The following KCNJ1 variants were observed in gnomAD, a reference collection of about 807,000 sequenced individuals.
The protein encoded by KCNJ1 is ATP-sensitive inward rectifier potassium channel 1.
Under a neutral mutation model 21.9 loss-of-function variants are expected in KCNJ1, and 24 were observed. The observed-to-expected ratio is 1.10, with a 90% CI of 0.79 to 1.54. The LOEUF (loss-of-function observed/expected upper bound fraction) is 1.54, where lower values mean the gene tolerates loss of function less well. Among genes scored for constraint, KCNJ1 ranks in the 40% most tolerant of loss-of-function variants. The pLI is 0.00. For synonymous variants in KCNJ1, 152 were observed against 160.9 expected, an observed-to-expected ratio of 0.94 and a Z score of 0.42; for missense variants, 457 against 455.4, an observed-to-expected ratio of 1.00 and a Z score of -0.03.
rs372824628 is a variant in KCNJ1 at position 128,839,272 on chromosome 11, G to A, written c.972C>T (p.Asn324=). 4 of 1,614,166 alleles carry A rather than the reference G, an allele frequency of 2.5e-6. No homozygotes were observed. The highest frequency in any genetic ancestry group is 4.5e-5 in the East Asian group (2 of 44,882). ...KEGKYRVDFH[N]FSKTVEVETP... The stretch of plus-strand genomic sequence containing the variant: ...TCTCCACTTCCACTGTCTTGCTAAA[G>A]TTATGGAAATCCACTCGGTATTTCC... Residue 324 remains asparagine, a synonymous_variant, in exon 3 of 3, where the codon AAC becomes AAT. Transcript: ENST00000392666.
intron 1 of KCNJ1, among the ~76,000 whole-genome samples, chr11:128,866,259 A>G (rs1404386451): frequency 2.6e-5 from 4 of 152,192 alleles, no homozygotes; most frequent in Non-Finnish European, 5.9e-5. Flanking sequence ...GGAATGGCCC[A>G]GGGAAGGCAG....
intron 2 of KCNJ1, among the ~76,000 whole-genome samples, chr11:128,849,032 C>T (rs749882051): frequency 5.3e-5 from 8 of 152,186 alleles, no homozygotes; most frequent in Non-Finnish European, 1.0e-4. Context: ...ACGATGCCAG[C>T]GGTGCCCCTC....
rs1943251412 is a variant in KCNJ1, at chr11:128,839,934, C to T, written c.310G>A (p.Glu104Lys). Residue 104 changes from glutamate (E) to lysine (K), a missense_variant, in exon 3 of 3, where the codon GAG (glutamate) becomes AAG (lysine). Glu to Lys is a moderately conservative substitution (Grantham distance 56). Coordinates refer to ENST00000392666, the MANE Select transcript of KCNJ1 (RefSeq NM_153766.3). ...HPSANHTPCV[E>K]NINGLTSAFL... ...GCTGAGGTCAAGCCATTAATATTCT[C>T]CACACAGGGAGTGTGATTGGCAGAA... 2 of 1,614,070 alleles carry T rather than the reference C, an allele frequency of 1.2e-6. No individual in the cohort carries two copies. The highest frequency in any genetic ancestry group is 1.7e-6 in the Non-Finnish European group (2 of 1,179,934).
chr11:128,850,096 C>T (rs948186031), intron 2 of KCNJ1, among the ~76,000 whole-genome samples: 1 of 152,086 alleles, frequency 6.6e-6, no homozygotes, highest in East Asian at 1.9e-4. Flanking sequence ...ACCATAGAGG[C>T]TGGAGCAGGT....
chr11:128,839,057 T>G lies in KCNJ1; in HGVS notation c.*68A>C. The G allele has an allele frequency of 7.0e-7, 1 of 1,429,980 alleles. No individual in the cohort carries two copies. Among genetic ancestry groups the G allele is most frequent in the East Asian group, 2.3e-5 (1 of 44,020 alleles). 88.6% of individuals were successfully genotyped at this position (1,429,980 alleles called of 1,614,324 possible). ...ACTTTCGTACCCCTAAATTGTTGACTGCTTCATAATGCTTCTAGGTACTAG... is the reference window on the plus strand; with the variant it reads ...ACTTTCGTACCCCTAAATTGTTGACGGCTTCATAATGCTTCTAGGTACTAG... On this transcript the variant is annotated 3_prime_UTR_variant, in exon 3 of 3. Coordinates refer to ENST00000392666, the MANE Select transcript of KCNJ1 (RefSeq NM_153766.3).
intron 2 of KCNJ1, 91 bp downstream of exon 2, chr11:128,850,630 G>T: frequency 2.0e-6 from 1 of 512,280 alleles, no homozygotes; most frequent in Non-Finnish European, 2.5e-6. Flanking sequence ...CACAGCCTTT[G>T]CTTAAGAGGC....
chr11:128,855,029 G>C (rs1255100350), intron 1 of KCNJ1, among the ~76,000 whole-genome samples: 1 of 152,212 alleles, frequency 6.6e-6, no homozygotes, highest in Non-Finnish European at 1.5e-5. Flanking sequence ...ACTGGTGCAT[G>C]ACCCAGCAGC....
chr11:128,840,652 T>A (rs1363634044), intron 2 of KCNJ1, among the ~76,000 whole-genome samples: 1 of 152,250 alleles, frequency 6.6e-6, no homozygotes, highest in Non-Finnish European at 1.5e-5. Flanking sequence ...TTTAGCCTTA[T>A]GTTAAGCAAT....
Position 128,838,539 on chromosome 11 carries a change from A to T in KCNJ1, c.*586T>A, listed in dbSNP as rs1943208704. 1 of 154,582 alleles carries T rather than the reference A, an allele frequency of 6.5e-6. No individual in the cohort carries two copies. Among genetic ancestry groups the T allele is most frequent in the Admixed American group, 6.4e-5 (1 of 15,588 alleles). The allele number at this position is 154,582 out of a possible 1,614,324, so 9.6% of individuals were successfully genotyped here. ...TGTCTTGCAGGAAGGTATCATCAAG[A>T]TTCTAGTGTGCAGATTTAGCCTCTG... On this transcript the variant is annotated 3_prime_UTR_variant, in exon 3 of 3. Transcript: ENST00000392666.
chr11:128,838,042 A>G lies in KCNJ1; in HGVS notation c.*1083T>C, dbSNP rs1943198276. 2 of 152,504 alleles carry G rather than the reference A, an allele frequency of 1.3e-5. No homozygotes were observed. The highest frequency in any genetic ancestry group is 4.8e-5 in the African/African-American group (2 of 41,464). The allele number at this position is 152,504 out of a possible 1,614,324, so 9.4% of individuals were successfully genotyped here. A position where few individuals can be genotyped will look rare whatever the true frequency, so the allele number is the denominator to read the frequency against. ...ATGCACAGTTTCAGAAATTTACTATATTAATCAACACACTGAAAACATTTT... is the reference window on the plus strand; with the variant it reads ...ATGCACAGTTTCAGAAATTTACTATGTTAATCAACACACTGAAAACATTTT... On this transcript the variant is annotated 3_prime_UTR_variant, in exon 3 of 3. Transcript: ENST00000392666.
At chr11:128,866,775 C>T (rs1012544302) in intron 1 of KCNJ1, 3 of 152,406 alleles carry the variant, frequency 2.0e-5, no homozygotes, top group Admixed American at 6.5e-5. Flanking sequence ...TGATCCTCTA[C>T]CTTAAAGATG....
rs1280825222 is a variant in KCNJ1 at position 128,838,331 on chromosome 11, T to A, written c.*794A>T. The A allele has an allele frequency of 1.4e-4, 21 of 152,546 alleles. No homozygotes were observed. The highest frequency in any genetic ancestry group is 1.4e-3 in the Admixed American group (21 of 15,288). 9.4% of individuals were successfully genotyped at this position (152,546 alleles called of 1,614,324 possible). ...TACAAACTCTAGGTGGAGGAACACA[T>A]GAAACTGTTTCTTCTCAGGTGCATT... On this transcript the variant is annotated 3_prime_UTR_variant, in exon 3 of 3. Transcript: ENST00000392666.
At chr11:128,850,933 G>A (rs895895515) in intron 1 of KCNJ1, 43 bp from the exon 2 acceptor site, 4 of 955,222 alleles carry the variant, frequency 4.2e-6, no homozygotes, top group Admixed American at 6.2e-5. Context: ...GGAGACAGAG[G>A]ACAGGCCCAC....
chr11:128,850,604 G>A (rs561328941), intron 2 of KCNJ1, 117 bp downstream of exon 2: 262 of 300,416 alleles, frequency 8.7e-4, no homozygotes, highest in Non-Finnish European at 1.1e-3. Context: ...ACCTGCAAGG[G>A]CAAATGACTA....
chr11:128,854,244 G>A (rs1375833328), intron 1 of KCNJ1, among the ~76,000 whole-genome samples: 3 of 152,192 alleles, frequency 2.0e-5, no homozygotes, highest in African/African-American at 7.2e-5. Context: ...TCTCCTGGGA[G>A]CTCGGTTTCT....
In KCNJ1 at chr11:128,845,614, G is replaced by C. The variant is rs139111239; in HGVS notation, c.-22+5107C>G. 2.6e-4 allele frequency among the ~76,000 whole-genome samples: 39 copies of C among 152,308 alleles called. No homozygotes were observed. In the East Asian group the frequency reaches 7.1e-3, roughly 28 times the overall value. On this transcript the variant is annotated intron_variant, in intron 2 of 2. Coordinates refer to ENST00000392666, the MANE Select transcript of KCNJ1 (RefSeq NM_153766.3). The stretch of plus-strand genomic sequence containing the variant: ...TGGCATTTCCCTTCTGTTCGGTAAT[G>C]CCAGAGAAGTTATCTCTGATGTCTT...
In KCNJ1 at chr11:128,839,982, T is replaced by C. The variant is rs185212943; in HGVS notation, c.262A>G (p.Lys88Glu). 2.2e-4 allele frequency: 362 copies of C among 1,614,138 alleles called. No individual in the cohort carries two copies. The highest frequency in any genetic ancestry group is 7.5e-5 in the Non-Finnish European group (88 of 1,180,030). ...GAAGGATGGAATTCCGGGAGGTCTT[T>C]GTGAATGTACGCTACTGCATACCAC... ...LLWYAVAYIH[K>E]DLPEFHPSAN... is the part of the protein sequence containing the mutation. Residue 88 changes from lysine to glutamate, a missense_variant, in exon 3 of 3, where the codon AAA becomes GAA. Lys to Glu is a moderately conservative substitution (Grantham distance 56). Coordinates refer to ENST00000392666, the MANE Select transcript of KCNJ1 (RefSeq NM_153766.3).
rs756187097 is a variant in KCNJ1 at position 128,839,086 on chromosome 11, C to T, written c.*39G>A. 1.3e-6 allele frequency: 2 copies of T among 1,581,572 alleles called. No homozygotes were observed. Among genetic ancestry groups the T allele is most frequent in the Non-Finnish European group, 1.7e-6 (2 of 1,155,772 alleles). ...TCATAATGCTTCTAGGTACTAGGAG[C>T]TTTAGAGACTTTGCTTTACTCCCGT... On this transcript the variant is annotated 3_prime_UTR_variant, in exon 3 of 3. Transcript: ENST00000392666.
intron 2 of KCNJ1, among the ~76,000 whole-genome samples, chr11:128,848,391 T>C (rs10893925): frequency 0.16 from 24,967 of 151,718 alleles, 2,316 homozygotes; most frequent in East Asian, 0.35. Context: ...GGAGTCTTAC[T>C]ATGTTTCCCA....
Sources: allele counts gnomAD v4.1 joint callset (sites outside exome capture counted in the v4.1 genomes callset), GRCh38; gene constraint gnomAD v4.1.1; transcripts MANE v1.5; gene names NCBI Gene and HGNC (gene_info 2026-07-23, HGNC 2026-07-21).